Variants in SAMMSON observed in about 807,000 individuals in gnomAD.
The protein encoded by SAMMSON is long intergenic non-protein coding RNA 1212.
intron 7 of SAMMSON, among the ~76,000 whole-genome samples, chr3:70,294,632 A>G (rs1315898480): frequency 3.3e-5 from 5 of 152,116 alleles, no homozygotes; most frequent in African/African-American, 1.2e-4. Context: ...ATAACAGAAA[A>G]CGTCAACTCA....
At chr3:70,355,556 G>A (rs1465984438) in intron 8 of SAMMSON, among the ~76,000 whole-genome samples, 1 of 152,048 alleles carries the variant, frequency 6.6e-6, no homozygotes, top group Non-Finnish European at 1.5e-5. Context: ...GGAAGATGAA[G>A]TCATAGATAC....
intron 7 of SAMMSON, among the ~76,000 whole-genome samples, chr3:70,306,347 A>G (rs953181914): frequency 8.5e-5 from 13 of 152,076 alleles, no homozygotes; most frequent in African/African-American, 2.9e-4. Context: ...TCCTGACCTC[A>G]TGATCTACCC....
At chr3:70,249,338 A>T (rs894385628) in intron 5 of SAMMSON, 2 of 152,164 alleles carry the variant, frequency 1.3e-5, no homozygotes, top group Non-Finnish European at 2.9e-5. Context: ...GAGCTACCTC[A>T]GGCTTCAGTG....
intron 4 of SAMMSON, chr3:70,206,812 A>G (rs761432165): frequency 5.0e-6 from 2 of 397,386 alleles, no homozygotes; most frequent in Non-Finnish European, 8.9e-6. Flanking sequence ...AAGAAAAAAC[A>G]CATACAGAAA....
At chr3:70,390,680 C>T (rs1477088619), downstream of SAMMSON, among the ~76,000 whole-genome samples, 1 of 152,090 alleles carries the variant, frequency 6.6e-6, no homozygotes, top group Non-Finnish European at 1.5e-5. Flanking sequence ...CATACCTCCC[C>T]ACCAGTCCCC....
intron 9 of SAMMSON, among the ~76,000 whole-genome samples, chr3:70,382,279 C>A (rs182928738): frequency 5.9e-5 from 9 of 152,194 alleles, no homozygotes; most frequent in African/African-American, 2.2e-4. Flanking sequence ...TTTGGCGTGT[C>A]GTCTCTTAAT....
At chr3:70,305,551 C>T (rs1375871672) in intron 7 of SAMMSON, among the ~76,000 whole-genome samples, 1 of 152,210 alleles carries the variant, frequency 6.6e-6, no homozygotes, top group African/African-American at 2.4e-5. Flanking sequence ...CACTTAAGTA[C>T]ATGAGTTCCT....
intron 6 of SAMMSON, among the ~76,000 whole-genome samples, chr3:70,256,219 T>C (rs1201238765): frequency 1.3e-5 from 2 of 152,216 alleles, no homozygotes; most frequent in Non-Finnish European, 2.9e-5. Flanking sequence ...TGTAAAGTTT[T>C]TGTTTCTAAT....
intron 1 of SAMMSON, among the ~76,000 whole-genome samples, chr3:70,012,080 G>A (rs938447404): frequency 6.6e-6 from 1 of 152,030 alleles, no homozygotes; most frequent in Non-Finnish European, 1.5e-5. Flanking sequence ...AGAGCCTGCT[G>A]GTTCCAATCC....
At chr3:70,045,138 AATT>A (rs2067121330) in intron 3 of SAMMSON, among the ~76,000 whole-genome samples, 2 of 130,450 alleles carry the variant, frequency 1.5e-5, no homozygotes, top group Non-Finnish European at 3.1e-5. Context: ...AATATATTAT[AATT>A]TATATATATT....
chr3:70,125,418 T>C (rs1258123134), intron 4 of SAMMSON: 9 of 1,191,338 alleles, frequency 7.6e-6, no homozygotes, highest in Non-Finnish European at 9.6e-6. Context: ...ATTTCTTCTC[T>C]AGAAATTCTG....
At chr3:70,293,075 G>A (rs1307866611) in intron 7 of SAMMSON, among the ~76,000 whole-genome samples, 5 of 129,108 alleles carry the variant, frequency 3.9e-5, no homozygotes, top group African/African-American at 8.7e-5. Context: ...AAAAAAAGTA[G>A]CATATTACAT....
Position 70,410,373 on chromosome 3 carries a change from C to T in SAMMSON, n.233+52049C>T, listed in dbSNP as rs535797402. Among the ~76,000 whole-genome samples, 5 of 152,318 alleles carry T rather than the reference C, an allele frequency of 3.3e-5. No homozygotes were observed. The East Asian group carries it at 9.6e-4, about 29-fold the overall frequency. The stretch of plus-strand genomic sequence containing the variant: ...CTACTCTCTAATCATTGCTCTTGGG[C>T]TTTTCATCCCCTAAGACATTGTTTA... On this transcript the variant is annotated intron_variant and non_coding_transcript_variant, in intron 2 of 3. Transcript: ENST00000641053.
At chr3:70,059,861 T>C (rs916810778) in intron 3 of SAMMSON, among the ~76,000 whole-genome samples, 11 of 152,138 alleles carry the variant, frequency 7.2e-5, no homozygotes, top group African/African-American at 2.4e-4. Flanking sequence ...GTCTTACAAA[T>C]ATTTAGAATC....
chr3:70,375,342 T>C (rs1330825127), intron 9 of SAMMSON, among the ~76,000 whole-genome samples: 1 of 152,140 alleles, frequency 6.6e-6, no homozygotes, highest in Non-Finnish European at 1.5e-5. Context: ...TGTAATTTTT[T>C]TCTGCTTCAT....
At chr3:70,014,744 G>A (rs1292306323) in intron 3 of SAMMSON, 2 of 152,110 alleles carry the variant, frequency 1.3e-5, no homozygotes, top group South Asian at 2.1e-4. Flanking sequence ...CTATGCTGGA[G>A]TTTAAGAAAA....
intron 1 of SAMMSON, among the ~76,000 whole-genome samples, chr3:70,000,551 T>A (rs1206434791): frequency 6.6e-6 from 1 of 152,224 alleles, no homozygotes; most frequent in Non-Finnish European, 1.5e-5. Context: ...AATGTAAACA[T>A]ATTTCTGTTT....
At chr3:70,348,850 A>G (rs933607414) in intron 7 of SAMMSON, among the ~76,000 whole-genome samples, 1 of 152,060 alleles carries the variant, frequency 6.6e-6, no homozygotes, top group Non-Finnish European at 1.5e-5. Flanking sequence ...TTTTGATCAG[A>G]TGAATGATGT....
intron 7 of SAMMSON, chr3:70,312,036 G>T: frequency 2.5e-6 from 1 of 396,286 alleles, no homozygotes; most frequent in Non-Finnish European, 4.4e-6. Flanking sequence ...ATAACATCGA[G>T]TTTTATATTT....
Sources: allele counts gnomAD v4.1 joint callset (sites outside exome capture counted in the v4.1 genomes callset), GRCh38; gene constraint gnomAD v4.1.1; transcripts MANE v1.5; gene names NCBI Gene and HGNC (gene_info 2026-07-23, HGNC 2026-07-21).